Variants in IGF1 observed in about 807,000 individuals in gnomAD.
IGF1 encodes insulin like growth factor 1, also known as insulin-like growth factor 1.
IGF1 carries 4 observed loss-of-function variants against 13.8 expected under a neutral mutation model. That is an observed-to-expected ratio of 0.29 (90% CI 0.14 to 0.66). The LOEUF (loss-of-function observed/expected upper bound fraction) is 0.66. Among genes scored for constraint, IGF1 ranks in the 30% least tolerant of loss-of-function variants. The pLI is 0.78. For missense variants in IGF1, 124 were observed against 188.5 expected, an observed-to-expected ratio of 0.66 and a Z score of 2.00; for synonymous variants, 76 against 72.6, an observed-to-expected ratio of 1.05 and a Z score of -0.23.
At position 102,397,530 on chromosome 12, in the gene IGF1, A is replaced by T. The variant is rs1469650243; in HGVS notation, c.*4977T>A. The stretch of plus-strand genomic sequence containing the variant: ...TTTTTAAATAGAAATTACACAAAAA[A>T]GATATCTATGTATCACTTTCTAATA... On this transcript the variant is annotated 3_prime_UTR_variant, in exon 4 of 4. Coordinates refer to ENST00000337514, the MANE Select transcript of IGF1 (RefSeq NM_000618.5). 2 of 152,252 alleles carry T rather than the reference A, an allele frequency of 1.3e-5. No homozygotes were observed. The highest frequency in any genetic ancestry group is 2.9e-5 in the Non-Finnish European group (2 of 68,042). 9.4% of individuals were successfully genotyped at this position (152,252 alleles called of 1,614,324 possible).
Position 102,398,412 on chromosome 12 carries a change from T to C in IGF1, c.*4095A>G, listed in dbSNP as rs145457680. ...TCTTATTTTCTCCACTTGCTGAATA[T>C]CTGTTTTAGAGCAGAGTGCACAAAA... On this transcript the variant is annotated 3_prime_UTR_variant, in exon 4 of 4. Transcript: ENST00000337514. 1.3e-5 allele frequency: 2 copies of C among 152,368 alleles called. No individual in the cohort carries two copies. The highest frequency in any genetic ancestry group is 2.9e-5 in the Non-Finnish European group (2 of 68,016). 9.4% of individuals were successfully genotyped at this position (152,368 alleles called of 1,614,324 possible). A position where few individuals can be genotyped will look rare whatever the true frequency, so the allele number is the denominator to read the frequency against.
At chr12:102,408,104 A>T (rs953036580) in intron 3 of IGF1, among the ~76,000 whole-genome samples, 1 of 152,252 alleles carries the variant, frequency 6.6e-6, no homozygotes, top group African/African-American at 2.4e-5. Flanking sequence ...GAATATCAGC[A>T]GCTTATTGTA....
intron 3 of IGF1, chr12:102,415,625 T>TCCTTCCTTC (rs1592748014): frequency 1.4e-5 from 2 of 144,666 alleles, no homozygotes; most frequent in Admixed American, 6.9e-5. Context: ...CTTCCTTCCT[T>TCCTTCCTTC]CTTCTCTCTG....
At chr12:102,446,641 T>A (rs1359795921) in intron 2 of IGF1, among the ~76,000 whole-genome samples, 1 of 152,152 alleles carries the variant, frequency 6.6e-6, no homozygotes, top group Non-Finnish European at 1.5e-5. Context: ...TTGCTAGCGG[T>A]CTATCTATTT....
chr12:102,479,255 C>G (rs1881258912), intron 1 of IGF1, among the ~76,000 whole-genome samples: 1 of 152,122 alleles, frequency 6.6e-6, no homozygotes, highest in Non-Finnish European at 1.5e-5. Flanking sequence ...ACTCCTGGAG[C>G]CACTTACTTG....
At chr12:102,476,805 T>C (rs1158698569) in intron 1 of IGF1, among the ~76,000 whole-genome samples, 1 of 152,198 alleles carries the variant, frequency 6.6e-6, no homozygotes, top group Non-Finnish European at 1.5e-5. Context: ...ACGGCAGCCT[T>C]GCCAAAAGCA....
At chr12:102,406,502 A>G (rs144628107) in intron 3 of IGF1, among the ~76,000 whole-genome samples, 129 of 152,334 alleles carry the variant, frequency 8.5e-4, no homozygotes, top group Middle Eastern at 3.4e-3. Flanking sequence ...TAGTGAGTAA[A>G]TACTGTTTCC....
chr12:102,429,660 G>C (rs982168427), intron 2 of IGF1, among the ~76,000 whole-genome samples: 2 of 152,038 alleles, frequency 1.3e-5, no homozygotes, highest in Non-Finnish European at 2.9e-5. Context: ...ATTATCCATC[G>C]AGAAAAATCT....
chr12:102,428,394 G>A (rs1265112021), intron 2 of IGF1, among the ~76,000 whole-genome samples: 1 of 151,870 alleles, frequency 6.6e-6, no homozygotes, highest in East Asian at 1.9e-4. Flanking sequence ...GCAGGGATCA[G>A]TGTTGAGTCT....
intron 1 of IGF1, chr12:102,478,731 T>G (rs1244678320): frequency 3.5e-6 from 4 of 1,130,742 alleles, no homozygotes; most frequent in Admixed American, 6.8e-5. Context: ...GTCAATCTTT[T>G]CCCCCCAGTC....
At chr12:102,471,842 A>G (rs1395580045) in intron 2 of IGF1, among the ~76,000 whole-genome samples, 1 of 152,152 alleles carries the variant, frequency 6.6e-6, no homozygotes, top group Admixed American at 6.5e-5. Flanking sequence ...TTGTCTGTCA[A>G]TTTTTTAAGA....
At position 102,402,353 on chromosome 12, in the gene IGF1, A is replaced by G; in HGVS notation, c.*154T>C. 1.4e-6 allele frequency: 1 copy of G among 738,986 alleles called. No individual in the cohort carries two copies. 45.8% of individuals were successfully genotyped at this position (738,986 alleles called of 1,614,324 possible). On this transcript the variant is annotated 3_prime_UTR_variant, in exon 4 of 4. Coordinates refer to ENST00000337514, the MANE Select transcript of IGF1 (RefSeq NM_000618.5). ...AATCACTCCTAAAGACAATGTTGGA[A>G]TGTTTACTTGTGTATTTCATTGGGG...
intron 2 of IGF1, among the ~76,000 whole-genome samples, chr12:102,450,648 C>G (rs1592801052): frequency 6.6e-6 from 1 of 152,202 alleles, no homozygotes; most frequent in Non-Finnish European, 1.5e-5. Context: ...GCACATTTGC[C>G]TTTCTTTCAA....
intron 3 of IGF1, among the ~76,000 whole-genome samples, chr12:102,414,801 G>A (rs1874945506): frequency 6.6e-6 from 1 of 152,152 alleles, no homozygotes; most frequent in South Asian, 2.1e-4. Flanking sequence ...CATTGTAGAT[G>A]CCCAATAACA....
At chr12:102,444,884 C>T (rs182342694) in intron 2 of IGF1, among the ~76,000 whole-genome samples, 80 of 152,160 alleles carry the variant, frequency 5.3e-4, no homozygotes, top group South Asian at 1.0e-3. Flanking sequence ...ATACAAGGAC[C>T]GTGCAGAGGA....
chr12:102,398,399 C>T lies in IGF1; in HGVS notation c.*4108G>A, dbSNP rs1258573074. 1 of 152,184 alleles carries T rather than the reference C, an allele frequency of 6.6e-6. No individual in the cohort carries two copies. The allele number at this position is 152,184 out of a possible 1,614,324, so 9.4% of individuals were successfully genotyped here. A position where few individuals can be genotyped will look rare whatever the true frequency, so the allele number is the denominator to read the frequency against. On this transcript the variant is annotated 3_prime_UTR_variant, in exon 4 of 4. Transcript: ENST00000337514. ...TTTTTCTCTTTGTTCTTATTTTCTC[C>T]ACTTGCTGAATATCTGTTTTAGAGC...
chr12:102,413,627 G>A (rs896693623), intron 3 of IGF1, among the ~76,000 whole-genome samples: 3 of 152,148 alleles, frequency 2.0e-5, no homozygotes, highest in East Asian at 1.9e-4. Flanking sequence ...AAAGTGTCCC[G>A]GAAGCTGTGT....
Position 102,472,735 on chromosome 12 carries a change from G to A in IGF1, c.220+2908C>T, listed in dbSNP as rs1004358836. ...TTCTCCACACACAGTAAATCTCAGC[G>A]GATGAAAAGGAAACTGAATGAAATT... On this transcript the variant is annotated intron_variant, in intron 2 of 3. Coordinates refer to ENST00000337514, the MANE Select transcript of IGF1 (RefSeq NM_000618.5). Among the ~76,000 whole-genome samples the A allele has an allele frequency of 7.2e-5, 11 of 152,188 alleles. No homozygotes were observed. The Middle Eastern group carries it at 0.014, about 188-fold the overall frequency.
At chr12:102,472,708 ACTTCT>A (rs1368357407) in intron 2 of IGF1, among the ~76,000 whole-genome samples, 1 of 152,190 alleles carries the variant, frequency 6.6e-6, no homozygotes, top group Non-Finnish European at 1.5e-5. Flanking sequence ...CTTAGAGCTG[ACTTCT>A]CCACACACAG....
Sources: gnomAD v4.1 joint callset for allele counts (sites outside exome capture counted in the v4.1 genomes callset) on GRCh38, gnomAD v4.1.1 for gene constraint, MANE v1.5 for transcripts, NCBI Gene and HGNC (gene_info 2026-07-23, HGNC 2026-07-21) for gene names.